Variants in ENOX1 observed in about 807,000 individuals in gnomAD.
The protein encoded by ENOX1 is candidate growth-related and time keeping constitutive hydroquinone (NADH) oxidase.
Under a neutral mutation model 82.5 loss-of-function variants are expected in ENOX1, and 42 were observed. The ratio of observed to expected loss-of-function variants is 0.51; its 90% confidence interval spans 0.40 to 0.66. ENOX1 has a LOEUF of 0.66. Ranked by LOEUF, ENOX1 falls within the 30% of genes least tolerant of loss-of-function variation. ENOX1 has a pLI of 0.00. For missense variants in ENOX1, 608 were observed against 811.6 expected (o/e 0.75, Z 3.05); for synonymous variants, 271 against 282.2 (o/e 0.96, Z 0.40).
intron 2 of ENOX1, among the ~76,000 whole-genome samples, chr13:43,658,801 C>G (rs1252107915): frequency 6.6e-6 from 1 of 152,186 alleles, no homozygotes; most frequent in Non-Finnish European, 1.5e-5. Context: ...TGTGTTGGTC[C>G]TATCTCTGGG....
intron 1 of ENOX1, among the ~76,000 whole-genome samples, chr13:43,743,131 G>A (rs1324158849): frequency 6.6e-6 from 1 of 152,126 alleles, no homozygotes; most frequent in Non-Finnish European, 1.5e-5. Flanking sequence ...TGTATAAGAG[G>A]TTCTCAGAAC....
chr13:43,381,636 C>A (rs1053753248), intron 5 of ENOX1, among the ~76,000 whole-genome samples: 4 of 151,750 alleles, frequency 2.6e-5, no homozygotes, highest in Admixed American at 6.6e-5. Flanking sequence ...CTCCAGCCAG[C>A]CTTAGGCAGG....
chr13:43,221,616 C>T (rs2041794087), intron 16 of ENOX1, among the ~76,000 whole-genome samples: 1 of 151,884 alleles, frequency 6.6e-6, no homozygotes, highest in Admixed American at 6.6e-5. Context: ...TTAGAAAAGG[C>T]CAAGAAGAGA....
At chr13:43,731,346 C>G (rs753336752) in intron 1 of ENOX1, among the ~76,000 whole-genome samples, 183 of 152,124 alleles carry the variant, frequency 1.2e-3, no homozygotes, top group Admixed American at 2.0e-3. Flanking sequence ...TTCTGTGTGC[C>G]TCAGTTCTCT....
intron 16 of ENOX1, among the ~76,000 whole-genome samples, chr13:43,221,291 C>T (rs1306158472): frequency 6.6e-6 from 1 of 152,218 alleles, no homozygotes; most frequent in Non-Finnish European, 1.5e-5. Context: ...GAACCCTCCT[C>T]TTGACTGTAA....
At chr13:43,416,286 G>T (rs2054538487) in intron 3 of ENOX1, among the ~76,000 whole-genome samples, 1 of 147,562 alleles carries the variant, frequency 6.8e-6, no homozygotes, top group Admixed American at 6.7e-5. Flanking sequence ...GGGGCGGCCG[G>T]GCAGAGATGC....
At position 43,616,204 on chromosome 13, in the gene ENOX1, A is replaced by ATATATATTT. The variant is rs1457149422; in HGVS notation, c.-219+51274_-219+51275insAAATATATA. Among the ~76,000 whole-genome samples the ATATATATTT allele has an allele frequency of 4.6e-4, 7 of 15,314 alleles. 1 individual carries two copies. The highest frequency in any genetic ancestry group is 6.2e-4 in the Non-Finnish European group (3 of 4,802). The allele number at this position is 15,314 out of a possible 152,430, so 10.0% of individuals were successfully genotyped here. ...TATCTATCTATATATATATATATATATTTTTTTTTTTTTTTTAGGACGGAG... is the reference window on the plus strand; with the variant it reads ...TATCTATCTATATATATATATATATATATATATTTTTTTTTTTTTTTTTTTAGGACGGAG... On this transcript the variant is annotated intron_variant, in intron 2 of 16. Transcript: ENST00000690772.
chr13:43,317,277 T>C (rs186729248), intron 11 of ENOX1, among the ~76,000 whole-genome samples: 33 of 152,336 alleles, frequency 2.2e-4, no homozygotes, highest in Admixed American at 1.8e-3. Flanking sequence ...CCAGTGTGAA[T>C]GACAGAGCCC....
intron 1 of ENOX1, among the ~76,000 whole-genome samples, chr13:43,722,822 AAAAGAAATAAT>A (rs1566831625): frequency 6.6e-6 from 1 of 152,212 alleles, no homozygotes; most frequent in Non-Finnish European, 1.5e-5. Flanking sequence ...TCTGGCTGCT[AAAAGAAATAAT>A]AATGATTACA....
chr13:43,676,681 A>AT (rs1161852171), intron 1 of ENOX1, among the ~76,000 whole-genome samples: 1 of 152,156 alleles, frequency 6.6e-6, no homozygotes, highest in Non-Finnish European at 1.5e-5. Flanking sequence ...ACAGGCAATT[A>AT]TGCATGATCA....
chr13:43,766,118 T>C (rs1332928852), intron 1 of ENOX1, among the ~76,000 whole-genome samples: 2 of 152,220 alleles, frequency 1.3e-5, no homozygotes, highest in Non-Finnish European at 1.5e-5. Flanking sequence ...GATTCTACTC[T>C]GTGATATGCA....
chr13:43,539,763 G>A (rs1462679187), intron 2 of ENOX1, among the ~76,000 whole-genome samples: 1 of 152,016 alleles, frequency 6.6e-6, no homozygotes, highest in Non-Finnish European at 1.5e-5. Flanking sequence ...GAGATATATT[G>A]CAATGTCTTA....
chr13:43,520,175 T>C lies in ENOX1; in HGVS notation c.-218-36023A>G, dbSNP rs150495290. 2.0e-5 allele frequency among the ~76,000 whole-genome samples: 3 copies of C among 152,288 alleles called. No individual in the cohort carries two copies. The East Asian group carries it at 5.8e-4, about 29-fold the overall frequency. On this transcript the variant is annotated intron_variant, in intron 2 of 16. Transcript: ENST00000690772. ...TAGAAATGTAACAGCACTTCCTCATTACTGCATAGCTTGTTGATCTAGATT... is the reference window on the plus strand; with the variant it reads ...TAGAAATGTAACAGCACTTCCTCATCACTGCATAGCTTGTTGATCTAGATT...
chr13:43,485,235 A>G (rs2076372929), intron 2 of ENOX1, among the ~76,000 whole-genome samples: 1 of 152,176 alleles, frequency 6.6e-6, no homozygotes, highest in African/African-American at 2.4e-5. Flanking sequence ...TGCAACACAG[A>G]GACCCCCTGC....
chr13:43,772,263 T>A (rs545649355), intron 1 of ENOX1, among the ~76,000 whole-genome samples: 4 of 152,160 alleles, frequency 2.6e-5, no homozygotes, highest in Admixed American at 1.3e-4. Flanking sequence ...AAAGTCACGG[T>A]ACTCAAAGAA....
chr13:43,758,848 TG>T (rs372216732), intron 1 of ENOX1, among the ~76,000 whole-genome samples: 197 of 152,322 alleles, frequency 1.3e-3, no homozygotes, highest in African/African-American at 4.0e-3. Context: ...TAAATGTTAC[TG>T]TTGATATTTG....
At chr13:43,685,865 CAGA>C in intron 1 of ENOX1, among the ~76,000 whole-genome samples, 1 of 123,494 alleles carries the variant, frequency 8.1e-6, no homozygotes, top group Admixed American at 8.5e-5. Flanking sequence ...TTAGAAATCC[CAGA>C]AGGAAACACA....
chr13:43,412,783 G>A, intron 4 of ENOX1, 62 bp downstream of exon 4: 1 of 1,600,144 alleles, frequency 6.2e-7, no homozygotes. Flanking sequence ...GGTGGGGCAA[G>A]CTTTTCCACT....
chr13:43,685,873 AACACACACACACACACACACAC>A (rs60259011), intron 1 of ENOX1, among the ~76,000 whole-genome samples: 2 of 141,526 alleles, frequency 1.4e-5, no homozygotes, highest in East Asian at 2.1e-4. Context: ...CCCAGAAGGA[AACACACACACACACACACACAC>A]ACACACACAC....
Sources: gnomAD v4.1 joint callset for allele counts (sites outside exome capture counted in the v4.1 genomes callset) on GRCh38, gnomAD v4.1.1 for gene constraint, MANE v1.5 for transcripts, NCBI Gene and HGNC (gene_info 2026-07-23, HGNC 2026-07-21) for gene names.